The following FANCI variants were observed in gnomAD, a reference collection of about 807,000 sequenced individuals.
FANCI encodes the protein FA complementation group I.
Under a neutral mutation model 176.1 loss-of-function variants are expected in FANCI, and 156 were observed. That is an observed-to-expected ratio of 0.89 (90% CI 0.78 to 1.01). FANCI has a LOEUF of 1.01. FANCI is among the 50% of genes least tolerant of loss of function. The pLI is 0.00. For synonymous variants in FANCI, 613 were observed against 541.7 expected (o/e 1.13, Z -1.83); for missense variants, 1,678 against 1,534.1 (o/e 1.09, Z -1.57).
intron 16 of FANCI, 135 bp from the exon 17 acceptor site, chr15:89,283,001 A>T: frequency 1.2e-6 from 1 of 856,950 alleles, no homozygotes; most frequent in Non-Finnish European, 1.9e-6. Flanking sequence ...GAGTACATAA[A>T]TTCACTTTGT....
At chr15:89,314,835 C>CT in intron 36 of FANCI, 128 bp downstream of exon 36, 1 of 154,248 alleles carries the variant, frequency 6.5e-6, no homozygotes, top group South Asian at 7.0e-5. Context: ...CATCCCCCCT[C>CT]TCCCCCCCCC....
chr15:89,292,608 A>C (rs931144430), intron 20 of FANCI, 80 bp from the exon 21 acceptor site: 3 of 1,382,764 alleles, frequency 2.2e-6, no homozygotes, highest in Non-Finnish European at 2.0e-6. Context: ...ATAGATAAGA[A>C]TTATTTGCTG....
intron 10 of FANCI, 124 bp downstream of exon 10, chr15:89,268,649 CTCT>C: frequency 2.6e-6 from 3 of 1,148,408 alleles, no homozygotes; most frequent in South Asian, 2.7e-5. Flanking sequence ...TGTGGAGGAT[CTCT>C]TTTTTTTTTT....
Position 89,305,594 on chromosome 15 carries a change from T to C in FANCI, c.3256-11T>C. 1 of 1,613,920 alleles carries C rather than the reference T, an allele frequency of 6.2e-7. No individual in the cohort carries two copies. The highest frequency in any genetic ancestry group is 8.5e-7 in the Non-Finnish European group (1 of 1,179,796). ...GTGTAGTGAATCACACCAGGCACTC[T>C]TTTCTTTCAGTTACTTGTTCTGAGT... On this transcript the variant is annotated splice_polypyrimidine_tract_variant and intron_variant, in intron 30 of 37. Transcript: ENST00000310775.
chr15:89,297,631 A>G (rs528191390), intron 24 of FANCI, among the ~76,000 whole-genome samples: 6 of 152,046 alleles, frequency 3.9e-5, no homozygotes, highest in African/African-American at 9.7e-5. Context: ...TGTGGCGGCA[A>G]TTGCAGGCAC....
At chr15:89,307,764 T>C (rs2054782945) in intron 34 of FANCI, 92 bp downstream of exon 34, 1 of 1,604,868 alleles carries the variant, frequency 6.2e-7, no homozygotes. Flanking sequence ...TGAGCATATA[T>C]AAACTTTTTT....
Position 89,301,369 on chromosome 15 carries a change from A to G in FANCI, c.2933A>G (p.Asn978Ser), listed in dbSNP as rs2054519347. 1 of 1,613,998 alleles carries G rather than the reference A, an allele frequency of 6.2e-7. No homozygotes were observed. Among genetic ancestry groups the G allele is most frequent in the Non-Finnish European group, 8.5e-7 (1 of 1,179,990 alleles). ...CTTAGCAGTCAAGAGGAAGATTTTA[A>G]TAGCAAAGAAGCCCTCCTGCTAGTC... ...NLLSSQEEDFNSKEALLLVTV... is the reference protein window; with the variant it reads ...NLLSSQEEDFSSKEALLLVTV... Residue 978 changes from asparagine (N) to serine (S), a missense_variant, in exon 27 of 38, where the codon AAT (asparagine) becomes AGT (serine). Physicochemically the swap from Asn to Ser is conservative, Grantham distance 46. Transcript: ENST00000310775.
At chr15:89,253,672 T>G (rs1317874077) in intron 2 of FANCI, among the ~76,000 whole-genome samples, 1 of 151,658 alleles carries the variant, frequency 6.6e-6, no homozygotes, top group Non-Finnish European at 1.5e-5. Flanking sequence ...GTTAAAAAGT[T>G]TGTGTGGCCA....
intron 36 of FANCI, 69 bp downstream of exon 36, chr15:89,314,776 G>A: frequency 9.2e-7 from 1 of 1,088,336 alleles, no homozygotes; most frequent in Non-Finnish European, 1.4e-6. Context: ...AACTGAAGCA[G>A]CACAACTACA....
Position 89,301,514 on chromosome 15 carries a change from A to C in FANCI, c.3006+72A>C. On this transcript the variant is annotated intron_variant, in intron 27 of 37. Transcript: ENST00000310775. ...AAGGATTATTGCATCATAAAAGTGT[A>C]TATCTAAATGTCCTCTTGAAATTGA... The C allele has an allele frequency of 2.9e-6, 3 of 1,021,682 alleles. No homozygotes were observed. The South Asian group carries it at 3.8e-5, about 13-fold the overall frequency. 63.3% of individuals were successfully genotyped at this position (1,021,682 alleles called of 1,614,324 possible).
rs200012909 is a variant in FANCI, at chr15:89,312,986, A to G, written c.3720+14A>G. The G allele has an allele frequency of 2.1e-4, 337 of 1,613,356 alleles. No individual in the cohort carries two copies. The African/African-American group carries it at 4.1e-3, about 20-fold the overall frequency. ...GCCACAGCCATGGTAAGCTGCTGAC[A>G]CTGACCGTTAAAATATGCTTGTTGG... On this transcript the variant is annotated intron_variant, in intron 35 of 37. Coordinates refer to ENST00000310775, the MANE Select transcript of FANCI (RefSeq NM_001113378.2).
At chr15:89,293,770 T>A in intron 22 of FANCI, 63 bp from the exon 23 acceptor site, 1 of 1,451,344 alleles carries the variant, frequency 6.9e-7, no homozygotes, top group Non-Finnish European at 9.6e-7. Flanking sequence ...TATTATCATA[T>A]GTAAAAGTAA....
At chr15:89,288,826 G>C (rs1056383511) in intron 18 of FANCI, among the ~76,000 whole-genome samples, 46 of 151,500 alleles carry the variant, frequency 3.0e-4, no homozygotes, top group African/African-American at 1.0e-3. Context: ...CTTTTGTAGA[G>C]ACAGGGTCTC....
At chr15:89,258,937 T>G in intron 3 of FANCI, 161 bp downstream of exon 3, 1 of 625,528 alleles carries the variant, frequency 1.6e-6, no homozygotes, top group African/African-American at 1.8e-5. Flanking sequence ...TCTAGTGGAC[T>G]TAAGTAATTT....
chr15:89,256,905 C>CT (rs1567140016), intron 2 of FANCI, among the ~76,000 whole-genome samples: 1 of 151,990 alleles, frequency 6.6e-6, no homozygotes, highest in Non-Finnish European at 1.5e-5. Flanking sequence ...TGATTTCTTT[C>CT]TTTTTTGTTG....
chr15:89,315,194 T>C (rs2055177750), intron 36 of FANCI, 88 bp from the exon 37 acceptor site: 2 of 953,776 alleles, frequency 2.1e-6, no homozygotes, highest in South Asian at 1.3e-5. Flanking sequence ...AATGGAAAGG[T>C]TTCTCAGAGG....
At chr15:89,266,128 C>G (rs1042101350) in intron 9 of FANCI, among the ~76,000 whole-genome samples, 9 of 148,540 alleles carry the variant, frequency 6.1e-5, no homozygotes, top group Non-Finnish European at 1.2e-4. Flanking sequence ...TCCCAAGTAG[C>G]TGGGACTATA....
In FANCI at chr15:89,293,074, G is replaced by T. The variant is rs1596304986; in HGVS notation, c.2291+11G>T. On this transcript the variant is annotated intron_variant, in intron 22 of 37. Transcript: ENST00000310775. ...CATAAGTAGTTTCAGGTAAGGTTTTGCTATAACTCCATTTGTAATTTGATG... is the reference window on the plus strand; with the variant it reads ...CATAAGTAGTTTCAGGTAAGGTTTTTCTATAACTCCATTTGTAATTTGATG... 6.2e-7 allele frequency: 1 copy of T among 1,612,314 alleles called. No homozygotes were observed. Among genetic ancestry groups the T allele is most frequent in the Non-Finnish European group, 8.5e-7 (1 of 1,179,510 alleles).
Position 89,261,998 on chromosome 15 carries a change from AAC to A in FANCI, c.503+123_503+124del. On this transcript the variant is annotated intron_variant, in intron 6 of 37. Transcript: ENST00000310775. ...CCTTCTTTTTTGTTGTTTTTAATAT[AAC>A]ACTATAAAACTATTTAGTCTGCAAT... 3.8e-6 allele frequency: 3 copies of A among 797,666 alleles called. No individual in the cohort carries two copies. In the South Asian group the frequency reaches 4.5e-5, roughly 12 times the overall value. The allele number at this position is 797,666 out of a possible 1,614,324, so 49.4% of individuals were successfully genotyped here.
Sources: gnomAD v4.1 joint callset for allele counts (sites outside exome capture counted in the v4.1 genomes callset) on GRCh38, gnomAD v4.1.1 for gene constraint, MANE v1.5 for transcripts, NCBI Gene and HGNC (gene_info 2026-07-23, HGNC 2026-07-21) for gene names.